INTS9: variants seen among roughly 807,000 people sequenced by gnomAD.
INTS9 encodes the protein protein related to CPSF subunits of 74 kDa.
Under a neutral mutation model 79.7 loss-of-function variants are expected in INTS9, and 55 were observed. That is an observed-to-expected ratio of 0.69 (90% CI 0.56 to 0.86). INTS9 has a LOEUF of 0.86. Ranked by LOEUF, INTS9 falls within the 40% of genes least tolerant of loss-of-function variation. The pLI is 0.00. For missense variants in INTS9, 721 were observed against 831.5 expected (o/e 0.87, Z 1.64); for synonymous variants, 319 against 325.2 (o/e 0.98, Z 0.20).
Position 28,857,560 on chromosome 8 carries a change from A to C in INTS9, c.137+1876T>G, listed in dbSNP as rs151007099. On this transcript the variant is annotated intron_variant, in intron 2 of 16. Transcript: ENST00000521022. The stretch of plus-strand genomic sequence containing the variant: ...AAGTGAATGATTATAATTAAATGAC[A>C]AGATGGAAAAGTCCAAGACAAACCA... Among the ~76,000 whole-genome samples the C allele has an allele frequency of 3.7e-3, 565 of 152,348 alleles. 3 individuals are homozygous for C. Among genetic ancestry groups the C allele is most frequent in the African/African-American group, 0.013 (525 of 41,584 alleles).
At chr8:28,814,410 C>T (rs1805352115) in intron 6 of INTS9, among the ~76,000 whole-genome samples, 1 of 151,686 alleles carries the variant, frequency 6.6e-6, no homozygotes, top group South Asian at 2.1e-4. Flanking sequence ...AGTAGACAGA[C>T]AAATGATAAC....
chr8:28,806,611 T>C (rs1453880114), intron 8 of INTS9, among the ~76,000 whole-genome samples: 1 of 152,194 alleles, frequency 6.6e-6, no homozygotes, highest in Non-Finnish European at 1.5e-5. Flanking sequence ...AAAAATAGAT[T>C]GTGCTTCAAA....
chr8:28,805,882 T>C (rs1020127289), intron 8 of INTS9, among the ~76,000 whole-genome samples: 15 of 151,840 alleles, frequency 9.9e-5, no homozygotes, highest in Non-Finnish European at 1.8e-4. Context: ...AAAACTACAA[T>C]AGTCATCACA....
chr8:28,795,200 C>T (rs539210149), intron 9 of INTS9, among the ~76,000 whole-genome samples: 1 of 152,258 alleles, frequency 6.6e-6, no homozygotes, highest in African/African-American at 2.4e-5. Context: ...GTAGCTGTTA[C>T]GGACTGAATG....
intron 14 of INTS9, among the ~76,000 whole-genome samples, chr8:28,774,024 A>G (rs1272117472): frequency 2.6e-5 from 4 of 152,176 alleles, no homozygotes. Flanking sequence ...CACCTTGGCC[A>G]GGCTAGTCTT....
chr8:28,844,314 G>A (rs1388654021), intron 4 of INTS9, among the ~76,000 whole-genome samples: 5 of 152,166 alleles, frequency 3.3e-5, no homozygotes, highest in Admixed American at 6.5e-5. Flanking sequence ...GGAGGCTGAC[G>A]CAGATCGCTT....
intron 8 of INTS9, among the ~76,000 whole-genome samples, chr8:28,800,635 T>A (rs962018686): frequency 5.3e-5 from 8 of 152,016 alleles, no homozygotes; most frequent in African/African-American, 1.5e-4. Flanking sequence ...TCATGGCAGG[T>A]GAGGAGATGG....
At chr8:28,781,097 A>C in intron 11 of INTS9, 103 bp from the exon 12 acceptor site, 2 of 845,702 alleles carry the variant, frequency 2.4e-6, no homozygotes, top group Non-Finnish European at 3.7e-6. Context: ...AATACCAACA[A>C]AGAAGACAAG....
intron 2 of INTS9, among the ~76,000 whole-genome samples, chr8:28,855,965 A>G (rs1808128146): frequency 6.6e-6 from 1 of 152,220 alleles, no homozygotes; most frequent in Admixed American, 6.5e-5. Flanking sequence ...CAAATTTGTT[A>G]AAATGCCAAT....
At chr8:28,802,380 A>G (rs1804571976) in intron 8 of INTS9, among the ~76,000 whole-genome samples, 1 of 152,328 alleles carries the variant, frequency 6.6e-6, no homozygotes, top group East Asian at 1.9e-4. Flanking sequence ...CACTGCTCGA[A>G]GGCAGACATC....
At chr8:28,779,452 T>C (rs141583933) in intron 12 of INTS9, among the ~76,000 whole-genome samples, 2 of 152,184 alleles carry the variant, frequency 1.3e-5, no homozygotes, top group African/African-American at 2.4e-5. Context: ...CTGACAATGA[T>C]GGATCCGGCC....
At chr8:28,830,854 C>T (rs995104119) in intron 6 of INTS9, among the ~76,000 whole-genome samples, 11 of 152,226 alleles carry the variant, frequency 7.2e-5, no homozygotes, top group Admixed American at 3.3e-4. Context: ...TCAAAGATGG[C>T]CTTCTCCAAT....
At chr8:28,775,161 C>A (rs1055435626) in intron 14 of INTS9, among the ~76,000 whole-genome samples, 2 of 152,186 alleles carry the variant, frequency 1.3e-5, no homozygotes, top group Admixed American at 6.5e-5. Context: ...TATTTAGGGA[C>A]AGAGCGGGTG....
chr8:28,806,359 G>A (rs913945131), intron 8 of INTS9, among the ~76,000 whole-genome samples: 1 of 152,142 alleles, frequency 6.6e-6, no homozygotes, highest in South Asian at 2.1e-4. Context: ...ATAACTGATT[G>A]ATAAAACACA....
At chr8:28,883,652 A>T (rs1315008756) in intron 1 of INTS9, among the ~76,000 whole-genome samples, 2 of 152,230 alleles carry the variant, frequency 1.3e-5, no homozygotes, top group Non-Finnish European at 2.9e-5. Flanking sequence ...GGGTATCTCT[A>T]ATCAGGACAT....
Position 28,833,487 on chromosome 8 carries a change from G to A in INTS9, c.488+1805C>T, listed in dbSNP as rs984228307. On this transcript the variant is annotated intron_variant, in intron 6 of 16. Transcript: ENST00000521022. ...ATACAAAAATTAGCTGGGTGTGGTT[G>A]CACACACCTGCAGTCCCAGCTACTC... is the stretch of plus-strand genomic sequence containing the variant. 3.3e-5 allele frequency among the ~76,000 whole-genome samples: 5 copies of A among 152,102 alleles called. No individual in the cohort carries two copies. The East Asian group carries it at 9.7e-4, about 29-fold the overall frequency.
intron 4 of INTS9, among the ~76,000 whole-genome samples, chr8:28,846,518 T>C (rs1807523355): frequency 6.6e-6 from 1 of 152,104 alleles, no homozygotes; most frequent in South Asian, 2.1e-4. Flanking sequence ...TTAGTGGGGA[T>C]TACAGAAAGA....
intron 10 of INTS9, 165 bp downstream of exon 10, chr8:28,793,642 G>C: frequency 1.6e-6 from 1 of 627,716 alleles, no homozygotes; most frequent in Non-Finnish European, 2.6e-6. Context: ...ACTTAGCAAT[G>C]CAACAGATTT....
chr8:28,831,567 G>A (rs1044962668), intron 6 of INTS9, among the ~76,000 whole-genome samples: 18 of 152,172 alleles, frequency 1.2e-4, no homozygotes, highest in African/African-American at 4.3e-4. Flanking sequence ...CGTAATGTAG[G>A]TGGCACTTCT....
Sources: allele counts gnomAD v4.1 joint callset (sites outside exome capture counted in the v4.1 genomes callset), GRCh38; gene constraint gnomAD v4.1.1; transcripts MANE v1.5; gene names NCBI Gene and HGNC (gene_info 2026-07-23, HGNC 2026-07-21).